Variants in LATS1 observed in about 807,000 individuals in gnomAD.
LATS1 encodes the protein large tumor suppressor kinase 1, also known as serine/threonine-protein kinase LATS1.
In LATS1, 25 loss-of-function variants were observed where a neutral mutation model predicts 106.6. That is an observed-to-expected ratio of 0.23 (90% CI 0.17 to 0.33). LATS1 has a LOEUF of 0.33. Ranked by LOEUF, LATS1 falls within the 10% of genes least tolerant of loss-of-function variation. The pLI is 1.00. For synonymous variants in LATS1, 465 were observed against 455.6 expected (o/e 1.02, Z -0.26); for missense variants, 1,040 against 1,382.6 (o/e 0.75, Z 3.93).
rs191318750 is a variant in LATS1 at position 149,716,906 on chromosome 6, T to C, written c.-141+943A>G. Among the ~76,000 whole-genome samples, 9 of 152,314 alleles carry C rather than the reference T, an allele frequency of 5.9e-5. No homozygotes were observed. In the East Asian group the frequency reaches 1.3e-3, roughly 23 times the overall value. Reference sequence around the variant, plus strand: ...ATAATGTCCTACCTTTTCTTCCTCATGGAGGAAATTTGATAAAAAATTAAG... The same window carrying C: ...ATAATGTCCTACCTTTTCTTCCTCACGGAGGAAATTTGATAAAAAATTAAG... On this transcript the variant is annotated intron_variant, in intron 1 of 7. Coordinates refer to ENST00000543571, the MANE Select transcript of LATS1 (RefSeq NM_004690.4).
chr6:149,713,139 G>A (rs775645734), intron 1 of LATS1, among the ~76,000 whole-genome samples: 3 of 152,102 alleles, frequency 2.0e-5, no homozygotes, highest in African/African-American at 4.8e-5. Flanking sequence ...ACAGGTGGCC[G>A]AGTATGATAA....
chr6:149,674,984 C>G (rs555642053), intron 7 of LATS1, among the ~76,000 whole-genome samples: 53 of 151,776 alleles, frequency 3.5e-4, no homozygotes, highest in African/African-American at 1.2e-3. Context: ...ATCAGGAGGC[C>G]GAGGCGGGCA....
At chr6:149,684,622 AAG>A in intron 3 of LATS1, 30 bp from the exon 4 acceptor site, 1 of 1,470,298 alleles carries the variant, frequency 6.8e-7, no homozygotes, top group African/African-American at 1.4e-5. Context: ...AAAGAGAAAA[AAG>A]AATCATGTTT....
intron 3 of LATS1, among the ~76,000 whole-genome samples, chr6:149,686,617 T>A (rs1051533213): frequency 6.6e-6 from 1 of 152,240 alleles, no homozygotes; most frequent in African/African-American, 2.4e-5. Flanking sequence ...AATTAAGGTT[T>A]CCTTTAAAAA....
At chr6:149,698,135 A>G (rs1783205792) in intron 2 of LATS1, among the ~76,000 whole-genome samples, 2 of 152,186 alleles carry the variant, frequency 1.3e-5, no homozygotes, top group Non-Finnish European at 2.9e-5. Context: ...ATGTTTTACA[A>G]TATTTCTTAT....
rs1206443712 is a variant in LATS1 at position 149,659,706 on chromosome 6, C to G, written c.*2023G>C. ...TAAGAGGAATACCTTATAAATGTGA[C>G]TACCCACCTAAAAATTCTTGAACTA... On this transcript the variant is annotated 3_prime_UTR_variant, in exon 8 of 8. Coordinates refer to ENST00000543571, the MANE Select transcript of LATS1 (RefSeq NM_004690.4). 2.6e-5 allele frequency: 6 copies of G among 228,098 alleles called. No homozygotes were observed. Among genetic ancestry groups the G allele is most frequent in the African/African-American group, 1.3e-4 (6 of 45,188 alleles). 14.1% of individuals were successfully genotyped at this position (228,098 alleles called of 1,614,324 possible).
intron 7 of LATS1, among the ~76,000 whole-genome samples, chr6:149,672,881 T>C (rs1370662760): frequency 3.3e-5 from 5 of 151,804 alleles, no homozygotes; most frequent in African/African-American, 9.7e-5. Context: ...GAGGCAGAGG[T>C]TGCAGTGAGC....
chr6:149,710,091 G>A (rs1784007205), intron 1 of LATS1, among the ~76,000 whole-genome samples: 1 of 152,150 alleles, frequency 6.6e-6, no homozygotes, highest in Non-Finnish European at 1.5e-5. Flanking sequence ...TGACCTGGAA[G>A]CCATCTGCTT....
At position 149,692,442 on chromosome 6, in the gene LATS1, T is replaced by C. The variant is rs79562293; in HGVS notation, c.496+2632A>G. Among the ~76,000 whole-genome samples, 720 of 152,250 alleles carry C rather than the reference T, an allele frequency of 4.7e-3. 5 individuals are homozygous for C. Among genetic ancestry groups the C allele is most frequent in the African/African-American group, 0.016 (682 of 41,542 alleles). On this transcript the variant is annotated intron_variant, in intron 3 of 7. Coordinates refer to ENST00000543571, the MANE Select transcript of LATS1 (RefSeq NM_004690.4). Reference sequence around the variant, plus strand: ...GGTTAAAAAAAAAATCCCACTATTATATGAGTCCACAGTACCATGTAACTC... The same window carrying C: ...GGTTAAAAAAAAAATCCCACTATTACATGAGTCCACAGTACCATGTAACTC...
rs201093401 is a variant in LATS1, at chr6:149,684,888, AAG to A, written c.497-298_497-297del. On this transcript the variant is annotated intron_variant, in intron 3 of 7. Coordinates refer to ENST00000543571, the MANE Select transcript of LATS1 (RefSeq NM_004690.4). Reference sequence around the variant, plus strand: ...CTCAATTTAGCAAAAAAAGAAAAAAAAGAGTTATAAAAATAAAATTTCACTAA... The same window carrying A: ...CTCAATTTAGCAAAAAAAGAAAAAAAAGTTATAAAAATAAAATTTCACTAA... Among the ~76,000 whole-genome samples the A allele has an allele frequency of 8.5e-3, 1,290 of 152,288 alleles. 12 individuals are homozygous for A. The highest frequency in any genetic ancestry group is 0.072 in the South Asian group (347 of 4,822).
chr6:149,711,599 ATCT>A (rs1187584346), intron 1 of LATS1, among the ~76,000 whole-genome samples: 1 of 152,178 alleles, frequency 6.6e-6, no homozygotes. Context: ...TACTAAAAAA[ATCT>A]TCTTGTCTAT....
intron 1 of LATS1, among the ~76,000 whole-genome samples, chr6:149,712,274 C>T (rs1271977998): frequency 2.6e-5 from 4 of 151,924 alleles, no homozygotes; most frequent in Admixed American, 1.3e-4. Context: ...CTTGGCTCAC[C>T]GCAACCTCCA....
chr6:149,695,549 C>T (rs531018353), intron 2 of LATS1, among the ~76,000 whole-genome samples: 5 of 152,170 alleles, frequency 3.3e-5, no homozygotes, highest in East Asian at 3.9e-4. Context: ...TGCTGGCGCA[C>T]GCTTGTAATT....
At chr6:149,691,641 C>G (rs1293289709) in intron 3 of LATS1, among the ~76,000 whole-genome samples, 1 of 152,132 alleles carries the variant, frequency 6.6e-6, no homozygotes, top group African/African-American at 2.4e-5. Flanking sequence ...GTCCCCTTTG[C>G]AGGTTTACCC....
intron 3 of LATS1, among the ~76,000 whole-genome samples, chr6:149,685,211 C>A (rs9505966): frequency 6.6e-6 from 1 of 151,790 alleles, no homozygotes; most frequent in African/African-American, 2.4e-5. Context: ...GCACTCCAGC[C>A]TGGGTGACAG....
intron 3 of LATS1, among the ~76,000 whole-genome samples, chr6:149,686,943 G>A (rs991203643): frequency 6.6e-6 from 1 of 151,994 alleles, no homozygotes; most frequent in African/African-American, 2.4e-5. Flanking sequence ...TCAAACTTTG[G>A]TATTACTCAT....
intron 4 of LATS1, 47 bp downstream of exon 4, chr6:149,683,032 G>T: frequency 1.4e-6 from 2 of 1,445,952 alleles, no homozygotes; most frequent in Non-Finnish European, 9.5e-7. Context: ...TAAACACCAA[G>T]CAAACAGATG....
intron 1 of LATS1, among the ~76,000 whole-genome samples, chr6:149,707,178 G>A (rs1027769382): frequency 1.3e-5 from 2 of 151,818 alleles, no homozygotes; most frequent in African/African-American, 4.8e-5. Flanking sequence ...ACCACGCCAG[G>A]CTAATTTTTG....
intron 5 of LATS1, among the ~76,000 whole-genome samples, chr6:149,677,579 A>G (rs759217587): frequency 2.6e-5 from 4 of 152,200 alleles, no homozygotes; most frequent in Non-Finnish European, 4.4e-5. Context: ...GTGAAGTTTG[A>G]AAGGCCTATT....
Sources: allele counts gnomAD v4.1 joint callset (sites outside exome capture counted in the v4.1 genomes callset), GRCh38; gene constraint gnomAD v4.1.1; transcripts MANE v1.5; gene names NCBI Gene and HGNC (gene_info 2026-07-23, HGNC 2026-07-21).